Variants in TSPEAR observed in about 807,000 individuals in gnomAD.
The protein encoded by TSPEAR is thrombospondin-type laminin G domain and EAR repeat-containing protein.
A neutral mutation model predicts 71.6 loss-of-function variants in TSPEAR; 69 were observed. The ratio of observed to expected loss-of-function variants is 0.96; its 90% CI spans 0.79 to 1.18. The LOEUF is 1.18. TSPEAR is among the 50% of genes most tolerant of loss of function. The pLI is 0.00. For synonymous variants in TSPEAR, 402 were observed against 387.2 expected, an observed-to-expected ratio of 1.04 and a Z score of -0.45; for missense variants, 971 against 894.9, an observed-to-expected ratio of 1.09 and a Z score of -1.09.
At chr21:44,673,348 A>G (rs1986150346) in intron 1 of TSPEAR, among the ~76,000 whole-genome samples, 2 of 152,230 alleles carry the variant, frequency 1.3e-5, no homozygotes, top group African/African-American at 4.8e-5. Flanking sequence ...ATGGACAATC[A>G]AAAGCTGAGG....
At chr21:44,543,126 GA>G (rs1158602919) in intron 2 of TSPEAR, among the ~76,000 whole-genome samples, 1 of 151,846 alleles carries the variant, frequency 6.6e-6, no homozygotes, top group Non-Finnish European at 1.5e-5. Context: ...CTGCACTACA[GA>G]AAATACTAAA....
intron 1 of TSPEAR, among the ~76,000 whole-genome samples, chr21:44,598,484 C>T (rs782082468): frequency 2.3e-4 from 35 of 152,192 alleles, no homozygotes; most frequent in East Asian, 3.8e-4. Context: ...TTTTTCCTTA[C>T]GACTCTGAGC....
intron 1 of TSPEAR, among the ~76,000 whole-genome samples, chr21:44,652,204 C>A (rs1173621958): frequency 6.6e-6 from 1 of 152,088 alleles, no homozygotes; most frequent in Admixed American, 6.5e-5. Context: ...AGGATGGTCT[C>A]GATCTCCTGA....
intron 2 of TSPEAR, among the ~76,000 whole-genome samples, chr21:44,553,560 T>C (rs2053480784): frequency 6.6e-6 from 1 of 152,008 alleles, no homozygotes; most frequent in Admixed American, 6.5e-5. Flanking sequence ...ACAGAGTGTA[T>C]ATTTAGCTGA....
At chr21:44,540,981 T>TA (rs200034577) in intron 2 of TSPEAR, among the ~76,000 whole-genome samples, 4 of 151,800 alleles carry the variant, frequency 2.6e-5, no homozygotes, top group African/African-American at 9.7e-5. Flanking sequence ...TAAATTTATT[T>TA]TTTTTTTTTT....
At chr21:44,500,491 C>T (rs1555911005) in intron 11 of TSPEAR, among the ~76,000 whole-genome samples, 1 of 152,248 alleles carries the variant, frequency 6.6e-6, no homozygotes, top group Non-Finnish European at 1.5e-5. Context: ...GTCCCCAAGG[C>T]AGGGCGCCGA....
At chr21:44,628,930 G>T (rs1324732787) in intron 1 of TSPEAR, among the ~76,000 whole-genome samples, 1 of 136,726 alleles carries the variant, frequency 7.3e-6, no homozygotes, top group South Asian at 2.4e-4. Flanking sequence ...TCCCTGTGCT[G>T]GGCTGGGTGG....
At chr21:44,652,226 G>A (rs1040343235) in intron 1 of TSPEAR, among the ~76,000 whole-genome samples, 18 of 152,218 alleles carry the variant, frequency 1.2e-4, no homozygotes, top group South Asian at 8.3e-4. Flanking sequence ...CTCGTGATCC[G>A]CCCGCCTCGG....
intron 1 of TSPEAR, among the ~76,000 whole-genome samples, chr21:44,679,675 G>A (rs1986487145): frequency 6.6e-6 from 1 of 151,990 alleles, no homozygotes; most frequent in Non-Finnish European, 1.5e-5. Flanking sequence ...GCATAGTATT[G>A]GTATAAAACC....
At chr21:44,574,267 C>T (rs782117807) in intron 1 of TSPEAR, 2 of 1,597,672 alleles carry the variant, frequency 1.3e-6, no homozygotes, top group Non-Finnish European at 1.7e-6. Context: ...GGGATTTCCT[C>T]TTCGTGCTGC....
intron 6 of TSPEAR, 124 bp from the exon 7 acceptor site, chr21:44,527,642 G>T: frequency 1.1e-6 from 1 of 889,750 alleles, no homozygotes; most frequent in Non-Finnish European, 1.8e-6. Context: ...TCAGCCTCGG[G>T]CATCAGTTTC....
chr21:44,514,463 C>T (rs1043256442), intron 9 of TSPEAR, among the ~76,000 whole-genome samples: 3 of 152,176 alleles, frequency 2.0e-5, no homozygotes, highest in East Asian at 1.9e-4. Context: ...CCAGCTGTGA[C>T]GAGGGGTCCT....
chr21:44,604,745 G>A (rs587593996), intron 1 of TSPEAR, among the ~76,000 whole-genome samples: 13 of 152,280 alleles, frequency 8.5e-5, no homozygotes, highest in African/African-American at 2.4e-4. Flanking sequence ...GGCCTTTATC[G>A]TGATGAGGTG....
intron 1 of TSPEAR, among the ~76,000 whole-genome samples, chr21:44,672,718 G>A (rs1431063741): frequency 2.0e-5 from 3 of 152,154 alleles, no homozygotes; most frequent in African/African-American, 7.2e-5. Context: ...GTGTTGAATT[G>A]TTATCCTCAA....
chr21:44,531,381 T>G (rs377212735), intron 3 of TSPEAR, among the ~76,000 whole-genome samples: 1 of 152,232 alleles, frequency 6.6e-6, no homozygotes, highest in African/African-American at 2.4e-5. Context: ...TTCTGGTGGC[T>G]GCACGTGCTC....
At chr21:44,572,741 T>C (rs2146081846) in intron 1 of TSPEAR, among the ~76,000 whole-genome samples, 1 of 151,508 alleles carries the variant, frequency 6.6e-6, no homozygotes, top group Non-Finnish European at 1.5e-5. Flanking sequence ...TATATGGAAA[T>C]AGGGTCTTTG....
chr21:44,578,740 A>T (rs1295650755), intron 1 of TSPEAR, among the ~76,000 whole-genome samples: 1 of 152,078 alleles, frequency 6.6e-6, no homozygotes, highest in Non-Finnish European at 1.5e-5. Context: ...AGTTCCAGCC[A>T]CCACCGCAGC....
chr21:44,501,176 G>C (rs587762092), intron 11 of TSPEAR, among the ~76,000 whole-genome samples: 1 of 152,204 alleles, frequency 6.6e-6, no homozygotes, highest in African/African-American at 2.4e-5. Context: ...ATGGCCGGGC[G>C]GGGTGGCTTA....
intron 1 of TSPEAR, among the ~76,000 whole-genome samples, chr21:44,589,467 T>C (rs1054818499): frequency 2.0e-5 from 3 of 152,242 alleles, no homozygotes; most frequent in Non-Finnish European, 4.4e-5. Flanking sequence ...CACAAATCTG[T>C]GTGTGGACAT....
Sources: allele counts gnomAD v4.1 joint callset (sites outside exome capture counted in the v4.1 genomes callset), GRCh38; gene constraint gnomAD v4.1.1; transcripts MANE v1.5; gene names NCBI Gene and HGNC (gene_info 2026-07-23, HGNC 2026-07-21).